Variants in AATK observed in about 807,000 individuals in gnomAD.
AATK encodes the protein serine/threonine-protein kinase LMTK1.
AATK carries 91 observed loss-of-function variants against 114.3 expected under a neutral mutation model. The ratio of observed to expected loss-of-function variants is 0.80; its 90% CI spans 0.67 to 0.95. AATK has a LOEUF of 0.95. AATK is among the 40% of genes least tolerant of loss of function. AATK has a pLI of 0.00. For synonymous variants in AATK, 1,075 were observed against 916.5 expected, an observed-to-expected ratio of 1.17 and a Z score of -3.12; for missense variants, 2,176 against 1,965.2, an observed-to-expected ratio of 1.11 and a Z score of -2.03.
chr17:81,128,725 G>A (rs1271520227), intron 3 of AATK, 176 bp from the exon 4 acceptor site: 5 of 1,419,886 alleles, frequency 3.5e-6, no homozygotes, highest in Non-Finnish European at 4.6e-6. Flanking sequence ...TGAGAGCAGG[G>A]GCCGCTGCTT....
chr17:81,123,984 G>T (rs2060745564), intron 9 of AATK, among the ~76,000 whole-genome samples: 1 of 152,212 alleles, frequency 6.6e-6, no homozygotes, highest in Admixed American at 6.5e-5. Flanking sequence ...ACCCCAGCCA[G>T]CGTGCAGTGG....
In AATK at chr17:81,120,531, GCCC is replaced by G; in HGVS notation, c.3402_3404del (p.Gly1135del). ...GGAGTGGGGCTCTGGGGGTGCCTGG[GCCC>G]CCCATCCGCTTTTGTGGGGCCGGCC... On this transcript the variant is annotated inframe_deletion, in exon 11 of 14. Coordinates refer to ENST00000326724, the MANE Select transcript of AATK (RefSeq NM_001080395.3). 6.7e-7 allele frequency: 1 copy of G among 1,483,994 alleles called. No homozygotes were observed. The highest frequency in any genetic ancestry group is 9.0e-7 in the Non-Finnish European group (1 of 1,116,414). The allele number at this position is 1,483,994 out of a possible 1,614,324, so 91.9% of individuals were successfully genotyped here. A position where few individuals can be genotyped will look rare whatever the true frequency, so the allele number is the denominator to read the frequency against.
chr17:81,161,664 C>T (rs924129328), intron 1 of AATK, among the ~76,000 whole-genome samples: 4 of 152,126 alleles, frequency 2.6e-5, no homozygotes, highest in African/African-American at 9.7e-5. Context: ...TGGGTGCTGC[C>T]GGACCCCATT....
intron 1 of AATK, among the ~76,000 whole-genome samples, chr17:81,140,272 T>C (rs34156191): frequency 0.045 from 6,891 of 152,318 alleles, 186 homozygotes; most frequent in South Asian, 0.053. Flanking sequence ...CACTTGCTTT[T>C]TTCGTATCAG....
At chr17:81,131,240 G>A (rs752532095) in intron 2 of AATK, 35 bp from the exon 3 acceptor site, 36 of 1,543,030 alleles carry the variant, frequency 2.3e-5, no homozygotes, top group Middle Eastern at 1.7e-4. Context: ...GGGGCTTCTC[G>A]CAGGTCAAGG....
chr17:81,123,713 C>A (rs1284430961), intron 9 of AATK, among the ~76,000 whole-genome samples: 1 of 147,858 alleles, frequency 6.8e-6, no homozygotes, highest in African/African-American at 2.5e-5. Flanking sequence ...AGGGCCCGCA[C>A]CAGCAGGGGG....
rs886888429 is a variant in AATK, at chr17:81,166,126, C to G, written c.-134G>C. On this transcript the variant is annotated 5_prime_UTR_variant, in exon 1 of 14. Coordinates refer to ENST00000326724, the MANE Select transcript of AATK (RefSeq NM_001080395.3). Reference sequence around the variant, plus strand: ...CGCCGGCCCCCGCGCCCCGCGCCCCCCGCCGCAGCCGCAGAGCCCGCACCG... The same window carrying G: ...CGCCGGCCCCCGCGCCCCGCGCCCCGCGCCGCAGCCGCAGAGCCCGCACCG... The G allele has an allele frequency of 7.2e-3, 2,722 of 376,834 alleles. 12 individuals are homozygous for G. Among genetic ancestry groups the G allele is most frequent in the Non-Finnish European group, 9.1e-3 (2,529 of 278,792 alleles). The allele number at this position is 376,834 out of a possible 1,614,324, so 23.3% of individuals were successfully genotyped here.
At chr17:81,123,128 T>A in intron 10 of AATK, 66 bp downstream of exon 10, 1 of 1,371,562 alleles carries the variant, frequency 7.3e-7, no homozygotes, top group South Asian at 1.7e-5. Flanking sequence ...GTGAGCCGCC[T>A]CTGCCTGGGG....
chr17:81,143,976 T>C (rs895369538), intron 1 of AATK, among the ~76,000 whole-genome samples: 11 of 152,166 alleles, frequency 7.2e-5, no homozygotes, highest in Non-Finnish European at 1.3e-4. Context: ...TGCCCAGGGT[T>C]GCCCCTGCAT....
Position 81,126,543 on chromosome 17 carries a change from G to A in AATK, c.639C>T (p.Tyr213=). The part of the protein sequence containing the change: ...EFCPLGDLKG[Y]LRSCRVAESM... ...ACTCCGCCACCCGGCAGCTCCGCAG[G>A]TAGCCCTTGAGGTCCCCCTGCAGAA... The change falls in exon 7 of 14, where the codon TAC becomes TAT. Residue 213 remains tyrosine (Y), a synonymous_variant. Transcript: ENST00000326724. This position sits in a 1 kb window ranked among gnomAD's most constrained non-coding sequence, Gnocchi z 5.1. 6.5e-7 allele frequency: 1 copy of A among 1,546,834 alleles called. No individual in the cohort carries two copies. Among genetic ancestry groups the A allele is most frequent in the South Asian group, 1.2e-5 (1 of 83,950 alleles).
intron 10 of AATK, 98 bp from the exon 11 acceptor site, chr17:81,122,921 G>T (rs1298322045): frequency 1.7e-6 from 2 of 1,169,790 alleles, no homozygotes; most frequent in African/African-American, 3.2e-5. Flanking sequence ...CCAGTGTCTT[G>T]GGGGCATTAA....
intron 1 of AATK, among the ~76,000 whole-genome samples, chr17:81,158,124 C>A (rs2061388739): frequency 6.6e-6 from 1 of 152,222 alleles, no homozygotes; most frequent in Admixed American, 6.5e-5. Context: ...TATTTCTAGA[C>A]AAGACTTGCA....
At chr17:81,164,562 T>C (rs1481235242) in intron 1 of AATK, among the ~76,000 whole-genome samples, 2 of 152,194 alleles carry the variant, frequency 1.3e-5, no homozygotes, top group African/African-American at 4.8e-5. Flanking sequence ...CCGGTGCTGC[T>C]CGAAGGCGGG....
Position 81,123,363 on chromosome 17 carries a change from A to G in AATK, c.963-20T>C. On this transcript the variant is annotated intron_variant, in intron 9 of 13. Coordinates refer to ENST00000326724, the MANE Select transcript of AATK (RefSeq NM_001080395.3). ...AGGGACCTGTGGGGCGACAGCCGTGAGCCAGGGCTGGGCACAGCCTGCCAC... is the reference window on the plus strand; with the variant it reads ...AGGGACCTGTGGGGCGACAGCCGTGGGCCAGGGCTGGGCACAGCCTGCCAC... 1 of 1,351,950 alleles carries G rather than the reference A, an allele frequency of 7.4e-7. No individual in the cohort carries two copies. Among genetic ancestry groups the G allele is most frequent in the Non-Finnish European group, 9.5e-7 (1 of 1,052,122 alleles). 83.7% of individuals were successfully genotyped at this position (1,351,950 alleles called of 1,614,324 possible).
At chr17:81,152,880 T>C (rs1226996639) in intron 1 of AATK, among the ~76,000 whole-genome samples, 1 of 151,318 alleles carries the variant, frequency 6.6e-6, no homozygotes, top group African/African-American at 2.4e-5. Flanking sequence ...TCTCGCTCTG[T>C]CACCCAGGAT....
chr17:81,143,471 G>A, intron 1 of AATK, among the ~76,000 whole-genome samples: 1 of 63,402 alleles, frequency 1.6e-5, no homozygotes, highest in Non-Finnish European at 3.2e-5. Flanking sequence ...CCCACCCCTT[G>A]TGTCCACGCA....
intron 1 of AATK, among the ~76,000 whole-genome samples, chr17:81,153,012 T>C (rs1446413674): frequency 1.3e-5 from 2 of 152,086 alleles, no homozygotes; most frequent in Non-Finnish European, 2.9e-5. Flanking sequence ...TCAGCTAATA[T>C]TTGTATTTTT....
chr17:81,134,335 C>T (rs750812181), intron 2 of AATK, 33 bp downstream of exon 2: 26 of 1,611,118 alleles, frequency 1.6e-5, no homozygotes, highest in Middle Eastern at 3.3e-4. Flanking sequence ...CCTGCGGGAT[C>T]CCACGACAGC....
rs1450298742 is a variant in AATK at position 81,120,814 on chromosome 17, G to A, written c.3122C>T (p.Pro1041Leu). The change falls in exon 11 of 14, where the codon CCT becomes CTT. Residue 1041 changes from proline to leucine, a missense_variant. This residue lies in a region of AATK where 1,701 missense variants were observed against 1,394.7 expected (regional missense o/e 1.22). Transcript: ENST00000326724. ...GQPSEQVCLR[P>L]GVSGEAQGSG... ...GCCTTGTGCCTCCCCGGAAACCCCA[G>A]GCCTGAGACAGACCTGCTCAGACGG... The A allele has an allele frequency of 1.1e-5, 17 of 1,574,410 alleles. No homozygotes were observed. Among genetic ancestry groups the A allele is most frequent in the Admixed American group, 9.2e-5 (5 of 54,492 alleles).
Sources: gnomAD v4.1 joint callset for allele counts (sites outside exome capture counted in the v4.1 genomes callset) on GRCh38, gnomAD v4.1.1 for gene constraint, gnomAD v4.1.1 regional missense constraint, Gnocchi (gnomAD v3.1) non-coding constraint, MANE v1.5 for transcripts, NCBI Gene and HGNC (gene_info 2026-07-23, HGNC 2026-07-21) for gene names.